CRACDL: variants seen among roughly 807,000 people sequenced by gnomAD.
CRACDL encodes the protein CRACD-like protein.
In CRACDL, 26 loss-of-function variants were observed where a neutral mutation model predicts 70.6. The ratio of observed to expected loss-of-function variants is 0.37; its 90% CI spans 0.27 to 0.51. The LOEUF (loss-of-function observed/expected upper bound fraction) is 0.51, where lower values mean the gene tolerates loss of function less well. CRACDL is among the 20% of genes least tolerant of loss of function. CRACDL has a pLI of 0.94. For synonymous variants in CRACDL, 618 were observed against 615.2 expected (o/e 1.00, Z -0.07); for missense variants, 1,283 against 1,376.9 (o/e 0.93, Z 1.08).
At chr2:98,881,101 A>T (rs1707639848) in intron 1 of CRACDL, among the ~76,000 whole-genome samples, 1 of 152,066 alleles carries the variant, frequency 6.6e-6, no homozygotes, top group African/African-American at 2.4e-5. Flanking sequence ...AACCAGATGG[A>T]CACTTCTGTG....
chr2:98,801,709 T>C (rs1467059732), intron 7 of CRACDL, among the ~76,000 whole-genome samples: 1 of 152,300 alleles, frequency 6.6e-6, no homozygotes, highest in East Asian at 1.9e-4. Flanking sequence ...GGGTGAAATA[T>C]CCACTGTCTA....
At chr2:98,871,013 C>A (rs1190917915) in intron 1 of CRACDL, among the ~76,000 whole-genome samples, 1 of 152,258 alleles carries the variant, frequency 6.6e-6, no homozygotes, top group Admixed American at 6.5e-5. Context: ...AAGACACCTG[C>A]AGGCCTTGAC....
intron 1 of CRACDL, among the ~76,000 whole-genome samples, chr2:98,907,506 T>C (rs1241259039): frequency 1.3e-5 from 2 of 152,198 alleles, no homozygotes; most frequent in Non-Finnish European, 2.9e-5. Flanking sequence ...CTGAAGTCCC[T>C]TCTCTGCTCA....
chr2:98,881,346 T>G (rs1461692928), intron 1 of CRACDL, among the ~76,000 whole-genome samples: 1 of 152,156 alleles, frequency 6.6e-6, no homozygotes, highest in Non-Finnish European at 1.5e-5. Flanking sequence ...GACTGGGGAA[T>G]CTGAATCTGC....
chr2:98,799,918 C>G (rs1042645127), intron 7 of CRACDL, among the ~76,000 whole-genome samples: 1 of 152,184 alleles, frequency 6.6e-6, no homozygotes, highest in African/African-American at 2.4e-5. Context: ...GACTTTTGTT[C>G]CTAACCTGGA....
At chr2:98,873,806 G>A (rs1573121890) in intron 1 of CRACDL, among the ~76,000 whole-genome samples, 1 of 152,324 alleles carries the variant, frequency 6.6e-6, no homozygotes, top group Non-Finnish European at 1.5e-5. Context: ...AGGAATTCCA[G>A]ACCAGCCTGG....
intron 1 of CRACDL, among the ~76,000 whole-genome samples, chr2:98,909,698 G>A (rs916841542): frequency 6.6e-6 from 1 of 152,180 alleles, no homozygotes; most frequent in African/African-American, 2.4e-5. Flanking sequence ...GAACGGGCCT[G>A]GCACCAAACG....
chr2:98,876,260 A>C (rs1296470208), intron 1 of CRACDL, among the ~76,000 whole-genome samples: 1 of 152,256 alleles, frequency 6.6e-6, no homozygotes, highest in Non-Finnish European at 1.5e-5. Context: ...TTGAAAGTTT[A>C]GTAACTGAAA....
chr2:98,897,348 A>C (rs1244406094), intron 1 of CRACDL: 1 of 1,298,360 alleles, frequency 7.7e-7, no homozygotes, highest in South Asian at 1.2e-5. Flanking sequence ...CGCTAAATAT[A>C]TATTTGCCTT....
intron 1 of CRACDL, among the ~76,000 whole-genome samples, chr2:98,889,557 G>A (rs191684065): frequency 6.6e-6 from 1 of 152,312 alleles, no homozygotes; most frequent in African/African-American, 2.4e-5. Flanking sequence ...GAAGACAGCA[G>A]TAATAGTTGG....
chr2:98,822,018 G>A lies in CRACDL; in HGVS notation c.2255C>T (p.Pro752Leu), dbSNP rs765207242. 14 of 1,539,744 alleles carry A rather than the reference G, an allele frequency of 9.1e-6. No homozygotes were observed. The highest frequency in any genetic ancestry group is 1.7e-4 in the Middle Eastern group (1 of 5,942). Reference protein sequence around the residue: ...PSDQGKGKARPPEPLSSKPPL... With the variant: ...PSDQGKGKARLPEPLSSKPPL... ...CGGCTTGGAGCTGAGCGGCTCGGGGGGCCGGGCCTTCCCCTTTCCTTGGTC... is the reference window on the plus strand; with the variant it reads ...CGGCTTGGAGCTGAGCGGCTCGGGGAGCCGGGCCTTCCCCTTTCCTTGGTC... The change falls in exon 7 of 10, where the codon CCC (proline) becomes CTC (leucine). Residue 752 changes from proline to leucine, a missense_variant. By Grantham distance (98) the Pro-to-Leu change is moderately conservative (BLOSUM62 -3). Coordinates refer to ENST00000397899, the MANE Select transcript of CRACDL (RefSeq NM_207362.3). The surrounding 1 kb of genome is among the most constrained non-coding windows in gnomAD (Gnocchi z 4.9).
At chr2:98,796,044 A>G (rs889238601) in intron 9 of CRACDL, 76 bp downstream of exon 9, 5 of 1,504,358 alleles carry the variant, frequency 3.3e-6, no homozygotes, top group Non-Finnish European at 4.6e-6. Context: ...AAACCAAACC[A>G]AACCAAAACT....
intron 1 of CRACDL, among the ~76,000 whole-genome samples, chr2:98,915,787 A>G (rs920808978): frequency 1.6e-4 from 25 of 152,150 alleles, no homozygotes; most frequent in African/African-American, 5.8e-4. Flanking sequence ...CAACTCTCCC[A>G]CCGAGGCAAG....
intron 1 of CRACDL, among the ~76,000 whole-genome samples, chr2:98,915,851 C>T (rs560020964): frequency 6.6e-6 from 1 of 152,234 alleles, no homozygotes; most frequent in South Asian, 2.1e-4. Context: ...CCTCCTGGCA[C>T]CCAAATCAAA....
At chr2:98,842,465 C>T (rs547496872) in intron 2 of CRACDL, among the ~76,000 whole-genome samples, 34 of 152,156 alleles carry the variant, frequency 2.2e-4, no homozygotes, top group African/African-American at 7.9e-4. Flanking sequence ...TTTTAAATTA[C>T]ACACGGTAAA....
chr2:98,935,840 G>A (rs1296254657), intron 1 of CRACDL, 98 bp downstream of exon 1: 1 of 152,142 alleles, frequency 6.6e-6, no homozygotes, highest in Non-Finnish European at 1.5e-5. Context: ...CGACCCCCTA[G>A]CCCCGGCCCG....
Position 98,822,695 on chromosome 2 carries a change from G to A in CRACDL, c.1578C>T (p.Gly526=). 1 of 1,267,096 alleles carries A rather than the reference G, an allele frequency of 7.9e-7. No individual in the cohort carries two copies. The highest frequency in any genetic ancestry group is 9.9e-7 in the Non-Finnish European group (1 of 1,009,904). 78.5% of individuals were successfully genotyped at this position (1,267,096 alleles called of 1,614,324 possible). The change falls in exon 7 of 10, where the codon GGC becomes GGT. Residue 526 remains glycine, a synonymous_variant. Coordinates refer to ENST00000397899, the MANE Select transcript of CRACDL (RefSeq NM_207362.3). This position sits in a 1 kb window ranked among gnomAD's most constrained non-coding sequence, Gnocchi z 4.9. ...CGGCCTCTGCGTCGAGGGAACCGGGGCCGGGCTCCACCGGGGGAGACTCCG... is the reference window on the plus strand; with the variant it reads ...CGGCCTCTGCGTCGAGGGAACCGGGACCGGGCTCCACCGGGGGAGACTCCG... ...AAAESPPVEP[G]PGSLDAEAAA...
chr2:98,842,304 T>A (rs916519566), intron 2 of CRACDL, among the ~76,000 whole-genome samples: 1 of 151,818 alleles, frequency 6.6e-6, no homozygotes, highest in African/African-American at 2.4e-5. Context: ...AATAATTACA[T>A]TTATTTTACA....
chr2:98,848,255 A>G (rs7579189), intron 1 of CRACDL, among the ~76,000 whole-genome samples: 74,367 of 152,048 alleles, frequency 0.49, 19,348 homozygotes, highest in African/African-American at 0.68. Context: ...TTCTAGGCTG[A>G]TGGCCCAACC....
Sources: gnomAD v4.1 joint callset for allele counts (sites outside exome capture counted in the v4.1 genomes callset) on GRCh38, gnomAD v4.1.1 for gene constraint, Gnocchi (gnomAD v3.1) non-coding constraint, MANE v1.5 for transcripts, NCBI Gene and HGNC (gene_info 2026-07-23, HGNC 2026-07-21) for gene names.